The following TRPV4 variants were observed in gnomAD, a reference collection of about 807,000 sequenced individuals.
TRPV4 encodes OSM9-like transient receptor potential channel 4.
A neutral mutation model predicts 84.1 loss-of-function variants in TRPV4; 58 were observed. The ratio of observed to expected loss-of-function variants is 0.69; its 90% CI spans 0.56 to 0.86. The LOEUF (loss-of-function observed/expected upper bound fraction) is 0.86. Ranked by LOEUF, TRPV4 falls within the 40% of genes least tolerant of loss-of-function variation. The pLI, the probability that TRPV4 is intolerant of heterozygous loss-of-function variation, is 0.00. For synonymous variants in TRPV4, 489 were observed against 500.9 expected, an observed-to-expected ratio of 0.98 and a Z score of 0.32; for missense variants, 879 against 1,181.1, an observed-to-expected ratio of 0.74 and a Z score of 3.75.
intron 1 of TRPV4, among the ~76,000 whole-genome samples, chr12:109,820,682 C>T (rs936506108): frequency 2.0e-5 from 3 of 151,784 alleles, no homozygotes; most frequent in Admixed American, 6.6e-5. Context: ...CCACCACGCC[C>T]GGCTAATTTT....
intron 1 of TRPV4, among the ~76,000 whole-genome samples, chr12:109,816,099 G>T (rs182412928): frequency 6.6e-6 from 1 of 152,192 alleles, no homozygotes; most frequent in Non-Finnish European, 1.5e-5. Flanking sequence ...CACCCAATAC[G>T]CACGTAGAAA....
chr12:109,783,417 C>T lies in TRPV4; in HGVS notation c.*204G>A. 2 of 623,816 alleles carry T rather than the reference C, an allele frequency of 3.2e-6. No individual in the cohort carries two copies. The highest frequency in any genetic ancestry group is 5.7e-5 in the East Asian group (2 of 35,136). 38.6% of individuals were successfully genotyped at this position (623,816 alleles called of 1,614,324 possible). A position where few individuals can be genotyped will look rare whatever the true frequency, so the allele number is the denominator to read the frequency against. On this transcript the variant is annotated 3_prime_UTR_variant, in exon 16 of 16. Coordinates refer to ENST00000261740, the MANE Select transcript of TRPV4 (RefSeq NM_021625.5). The surrounding 1 kb of genome is among the most constrained non-coding windows in gnomAD (Gnocchi z 4.6). ...GTTGGCTTATGTGACTCCATAGGAGCAAGACAGGTGGCCGGGAGCCCCCAC... is the reference window on the plus strand; with the variant it reads ...GTTGGCTTATGTGACTCCATAGGAGTAAGACAGGTGGCCGGGAGCCCCCAC...
intron 1 of TRPV4, among the ~76,000 whole-genome samples, chr12:109,827,682 A>G (rs1892298234): frequency 6.6e-6 from 1 of 151,450 alleles, no homozygotes; most frequent in African/African-American, 2.5e-5. Context: ...ACATGCACAC[A>G]TAGACATTCA....
intron 12 of TRPV4, among the ~76,000 whole-genome samples, chr12:109,791,282 C>G (rs1482265881): frequency 6.6e-6 from 1 of 151,974 alleles, no homozygotes; most frequent in Non-Finnish European, 1.5e-5. Context: ...ATTCGAGAGG[C>G]TGAGGCAAGA....
chr12:109,806,338 G>A (rs1011896500), intron 3 of TRPV4, among the ~76,000 whole-genome samples: 5 of 149,778 alleles, frequency 3.3e-5, no homozygotes, highest in African/African-American at 1.2e-4. Context: ...GAAATTACAG[G>A]TGTGTGCCAC....
At chr12:109,797,622 G>A (rs1005930321) in intron 6 of TRPV4, among the ~76,000 whole-genome samples, 19 of 152,180 alleles carry the variant, frequency 1.2e-4, no homozygotes, top group Admixed American at 7.2e-4. Context: ...CCTAGCCAAA[G>A]CCAGGATTTA....
At chr12:109,807,743 T>C (rs2136603312) in intron 3 of TRPV4, among the ~76,000 whole-genome samples, 1 of 152,288 alleles carries the variant, frequency 6.6e-6, no homozygotes, top group Non-Finnish European at 1.5e-5. Context: ...GTTAGCTCTC[T>C]GGGCTGGGGC....
At chr12:109,823,100 C>G (rs1480843616) in intron 1 of TRPV4, among the ~76,000 whole-genome samples, 1 of 152,222 alleles carries the variant, frequency 6.6e-6, no homozygotes, top group Non-Finnish European at 1.5e-5. Flanking sequence ...GCGAAACCTA[C>G]TGCCTGCCAG....
intron 1 of TRPV4, among the ~76,000 whole-genome samples, chr12:109,830,673 G>C (rs116420515): frequency 6.6e-6 from 1 of 152,270 alleles, no homozygotes; most frequent in African/African-American, 2.4e-5. Flanking sequence ...TTTGGAGAAC[G>C]GACTGGAGTG....
chr12:109,794,256 G>A (rs1890239573), intron 8 of TRPV4, 73 bp downstream of exon 8: 3 of 1,578,120 alleles, frequency 1.9e-6, no homozygotes, highest in African/African-American at 1.3e-5. Flanking sequence ...CCAGAAGGAT[G>A]AGGTTGTGCC....
At position 109,798,846 on chromosome 12, in the gene TRPV4, T is replaced by C. The variant is rs1188297228; in HGVS notation, c.920A>G (p.Asn307Ser). Residue 307 changes from asparagine (N) to serine (S), a missense_variant, in exon 6 of 16, where the codon AAC becomes AGC. Coordinates refer to ENST00000261740, the MANE Select transcript of TRPV4 (RefSeq NM_021625.5). The surrounding 1 kb of genome is among the most constrained non-coding windows in gnomAD (Gnocchi z 5.0). ...QPHIVNYLTE[N>S]PHKKADMRRQ... ...CCGCATGTCCGCCTTCTTGTGGGGG[T>C]TCTCCGTCAGGTAGTTGACAATGTG... is the stretch of plus-strand genomic sequence containing the variant. The C allele has an allele frequency of 1.9e-6, 3 of 1,613,968 alleles. No homozygotes were observed. Among genetic ancestry groups the C allele is most frequent in the East Asian group, 2.2e-5 (1 of 44,878 alleles).
chr12:109,792,451 T>G (rs768976137), intron 11 of TRPV4, 22 bp from the exon 12 acceptor site: 39 of 1,613,018 alleles, frequency 2.4e-5, no homozygotes, highest in Non-Finnish European at 3.2e-5. Context: ...AGCGGGATTA[T>G]GGAGGCAAAG....
At chr12:109,785,926 T>A (rs1366767191) in intron 14 of TRPV4, among the ~76,000 whole-genome samples, 1 of 151,840 alleles carries the variant, frequency 6.6e-6, no homozygotes, top group Non-Finnish European at 1.5e-5. Flanking sequence ...GGTGGGAGGA[T>A]CGCTTGAGAC....
In TRPV4 at chr12:109,786,970, C is replaced by T; in HGVS notation, c.2209-133G>A. On this transcript the variant is annotated intron_variant, in intron 13 of 15. Transcript: ENST00000261740. This position sits in a 1 kb window ranked among gnomAD's most constrained non-coding sequence, Gnocchi z 4.5. ...ATTTAGACTCCTACTCCCCACTAGA[C>T]ACAGGGTTTATAAACTCAAATACCC... 7.8e-7 allele frequency: 1 copy of T among 1,282,704 alleles called. No individual in the cohort carries two copies. The highest frequency in any genetic ancestry group is 1.1e-6 in the Non-Finnish European group (1 of 915,722). The allele number at this position is 1,282,704 out of a possible 1,614,324, so 79.5% of individuals were successfully genotyped here. A position where few individuals can be genotyped will look rare whatever the true frequency, so the allele number is the denominator to read the frequency against.
intron 4 of TRPV4, among the ~76,000 whole-genome samples, chr12:109,801,400 T>C (rs994713574): frequency 3.9e-5 from 6 of 152,186 alleles, no homozygotes; most frequent in Admixed American, 6.5e-5. Flanking sequence ...GTTTTCATGA[T>C]AGTGAGTGAG....
At chr12:109,813,761 T>TATGG (rs934962043) in intron 2 of TRPV4, among the ~76,000 whole-genome samples, 2 of 146,872 alleles carry the variant, frequency 1.4e-5, no homozygotes, top group African/African-American at 5.0e-5. Flanking sequence ...ATAGATGATA[T>TATGG]ATGGATGGAT....
rs762182385 is a variant in TRPV4 at position 109,783,782 on chromosome 12, C to T, written c.2459-4G>A. 43 of 1,611,054 alleles carry T rather than the reference C, an allele frequency of 2.7e-5. 1 individual carries two copies. The South Asian group carries it at 3.8e-4, about 14-fold the overall frequency. Reference sequence around the variant, plus strand: ...GGTACCACCGAGGACCAGCGATCTGCACCGAGAGCACATCAGAGGGAGGGG... The same window carrying T: ...GGTACCACCGAGGACCAGCGATCTGTACCGAGAGCACATCAGAGGGAGGGG... On this transcript the variant is annotated splice_polypyrimidine_tract_variant and splice_region_variant and intron_variant, in intron 15 of 15. Transcript: ENST00000261740. This position sits in a 1 kb window ranked among gnomAD's most constrained non-coding sequence, Gnocchi z 4.6.
At chr12:109,797,466 T>C (rs1890476854) in intron 6 of TRPV4, among the ~76,000 whole-genome samples, 1 of 151,310 alleles carries the variant, frequency 6.6e-6, no homozygotes, top group South Asian at 2.1e-4. Flanking sequence ...GATTTTGGGG[T>C]TTTTTGAGAC....
In TRPV4 at chr12:109,793,524, C is replaced by T; in HGVS notation, c.1658+3G>A. The T allele has an allele frequency of 6.2e-7, 1 of 1,613,684 alleles. No individual in the cohort carries two copies. Among genetic ancestry groups the T allele is most frequent in the Non-Finnish European group, 8.5e-7 (1 of 1,179,696 alleles). ...AGCTGCCGGCCCAGGGACCTCTACTCACTAGAGCAGCTGGAAGGAGCCATC... is the reference window on the plus strand; with the variant it reads ...AGCTGCCGGCCCAGGGACCTCTACTTACTAGAGCAGCTGGAAGGAGCCATC... On this transcript the variant is annotated splice_donor_region_variant and intron_variant, in intron 10 of 15. Coordinates refer to ENST00000261740, the MANE Select transcript of TRPV4 (RefSeq NM_021625.5). This position sits in a 1 kb window ranked among gnomAD's most constrained non-coding sequence, Gnocchi z 4.0.
Sources: allele counts gnomAD v4.1 joint callset (sites outside exome capture counted in the v4.1 genomes callset), GRCh38; gene constraint gnomAD v4.1.1; non-coding constraint Gnocchi (gnomAD v3.1); transcripts MANE v1.5; gene names NCBI Gene and HGNC (gene_info 2026-07-23, HGNC 2026-07-21).